Variants in BLTP3B observed in about 807,000 individuals in gnomAD.
The protein encoded by BLTP3B is bridge-like lipid transfer protein family member 3B, also known as UHRF1 (ICBP90) binding protein 1-like.
the BLTP3B span, among the ~76,000 whole-genome samples, chr12:100,078,076 T>C: frequency 6.6e-6 from 1 of 152,138 alleles, no homozygotes; most frequent in African/African-American, 2.4e-5. Flanking sequence ...TTGGATATTG[T>C]CCCCTCTAAA....
At chr12:100,075,246 G>A in the BLTP3B span, among the ~76,000 whole-genome samples, 21 of 152,066 alleles carry the variant, frequency 1.4e-4, no homozygotes, top group East Asian at 1.4e-3. Flanking sequence ...TCCTGACCTC[G>A]TGATCCGCCC....
the BLTP3B span, among the ~76,000 whole-genome samples, chr12:100,138,956 G>T: frequency 6.6e-6 from 1 of 152,100 alleles, no homozygotes; most frequent in Non-Finnish European, 1.5e-5. Context: ...CTTCTCTTTA[G>T]AAGTTTCCAT....
the BLTP3B span, chr12:100,047,540 A>C: frequency 6.2e-7 from 1 of 1,608,338 alleles, no homozygotes. Context: ...CTCTGATATG[A>C]AAAGAGCCAT....
chr12:100,065,236 T>C, the BLTP3B span, among the ~76,000 whole-genome samples: 1 of 152,106 alleles, frequency 6.6e-6, no homozygotes, highest in Non-Finnish European at 1.5e-5. Flanking sequence ...TCCACTGTGA[T>C]GAATGCGTTA....
At chr12:100,047,679 G>A in the BLTP3B span, 19 of 1,409,892 alleles carry the variant, frequency 1.3e-5, no homozygotes, top group South Asian at 1.0e-4. Context: ...TACTTCATTC[G>A]GTCATATTTT....
At chr12:100,059,191 C>G in the BLTP3B span, 1 of 1,614,120 alleles carries the variant, frequency 6.2e-7, no homozygotes, top group South Asian at 1.1e-5. Context: ...GAAAAGTACA[C>G]AGCCCAAACA....
chr12:100,130,982 GGAGAGAGAGAGAGAGAGAGAGAGAGAGA>G, the BLTP3B span, among the ~76,000 whole-genome samples: 1 of 62,238 alleles, frequency 1.6e-5, no homozygotes, highest in East Asian at 4.8e-4. Flanking sequence ...AGAGAGGGAG[GGAGAGAGAGAGAGAGAGAGAGAGAGAGA>G]GAGAGAGAGA....
chr12:100,120,968 A>G, the BLTP3B span, among the ~76,000 whole-genome samples: 43,551 of 152,176 alleles, frequency 0.29, 9,236 homozygotes, highest in African/African-American at 0.6. Context: ...AAGAATGTAC[A>G]CATACGATAA....
the BLTP3B span, among the ~76,000 whole-genome samples, chr12:100,129,311 T>G: frequency 6.6e-6 from 1 of 152,184 alleles, no homozygotes; most frequent in African/African-American, 2.4e-5. Flanking sequence ...TAATCTAAAT[T>G]TTCCGGATAT....
At chr12:100,129,642 T>C in the BLTP3B span, among the ~76,000 whole-genome samples, 1 of 152,110 alleles carries the variant, frequency 6.6e-6, no homozygotes, top group Non-Finnish European at 1.5e-5. Flanking sequence ...AGTTTTAAAA[T>C]GGAGGAGGCC....
the BLTP3B span, among the ~76,000 whole-genome samples, chr12:100,067,711 A>C: frequency 6.6e-6 from 1 of 152,278 alleles, no homozygotes; most frequent in Non-Finnish European, 1.5e-5. Flanking sequence ...TACCAACAAA[A>C]AAAAGTCCAG....
At chr12:100,118,939 TA>T in the BLTP3B span, among the ~76,000 whole-genome samples, 2 of 151,930 alleles carry the variant, frequency 1.3e-5, no homozygotes, top group Non-Finnish European at 2.9e-5. Flanking sequence ...CTGTCTTTAC[TA>T]AAAATACAAA....
At chr12:100,051,918 T>A in the BLTP3B span, 1 of 152,084 alleles carries the variant, frequency 6.6e-6, no homozygotes, top group Admixed American at 6.6e-5. Context: ...GTAGTGGCAC[T>A]CGCCTGTGGT....
At chr12:100,120,361 A>G in the BLTP3B span, among the ~76,000 whole-genome samples, 2 of 152,170 alleles carry the variant, frequency 1.3e-5, no homozygotes, top group African/African-American at 4.8e-5. Flanking sequence ...TGACAGAGCA[A>G]GATTCCATCT....
chr12:100,039,474 G>A, the BLTP3B span: 3 of 1,044,428 alleles, frequency 2.9e-6, no homozygotes, highest in African/African-American at 3.3e-5. Context: ...CAAAGCACCT[G>A]GGCACAATAA....
the BLTP3B span, among the ~76,000 whole-genome samples, chr12:100,049,504 G>T: frequency 6.6e-6 from 1 of 152,132 alleles, no homozygotes; most frequent in Admixed American, 6.5e-5. Flanking sequence ...TTACACCAAG[G>T]ATAGGTCTCC....
At chr12:100,098,249 GAAAAGCAAAGTT>G in the BLTP3B span, 2 of 1,297,514 alleles carry the variant, frequency 1.5e-6, no homozygotes, top group South Asian at 3.2e-5. Flanking sequence ...GTAATACAGA[GAAAAGCAAAGTT>G]AAAAGGCAAC....
the BLTP3B span, among the ~76,000 whole-genome samples, chr12:100,086,942 C>T: frequency 1.7e-3 from 263 of 152,110 alleles, 2 homozygotes; most frequent in Non-Finnish European, 3.1e-4. Context: ...GGGTGGATCA[C>T]GAGGTCAGGA....
At chr12:100,078,812 T>A in the BLTP3B span, among the ~76,000 whole-genome samples, 3 of 152,168 alleles carry the variant, frequency 2.0e-5, no homozygotes, top group African/African-American at 2.4e-5. Flanking sequence ...CAAAATCTCA[T>A]CTTGAATTGT....
Sources: allele counts gnomAD v4.1 joint callset (sites outside exome capture counted in the v4.1 genomes callset), GRCh38; gene constraint gnomAD v4.1.1; transcripts MANE v1.5; gene names NCBI Gene and HGNC (gene_info 2026-07-23, HGNC 2026-07-21).